RORA: variants seen among roughly 807,000 people sequenced by gnomAD.
RORA encodes RAR related orphan receptor A.
RORA carries 7 observed loss-of-function variants against 69.5 expected under a neutral mutation model. The ratio of observed to expected loss-of-function variants is 0.10; its 90% CI spans 0.06 to 0.19. The LOEUF is 0.19. RORA is among the 10% of genes least tolerant of loss of function. The pLI is 1.00. For missense variants in RORA, 457 were observed against 663.0 expected (o/e 0.69, Z 3.41); for synonymous variants, 261 against 240.8 (o/e 1.08, Z -0.78).
chr15:60,539,479 C>A (rs1156462174), intron 2 of RORA, among the ~76,000 whole-genome samples: 1 of 152,124 alleles, frequency 6.6e-6, no homozygotes, highest in Non-Finnish European at 1.5e-5. Context: ...CAGTGGGTGG[C>A]TTTTTTAGAT....
chr15:60,672,313 A>G (rs2070485988), intron 2 of RORA, among the ~76,000 whole-genome samples: 1 of 152,110 alleles, frequency 6.6e-6, no homozygotes, highest in Non-Finnish European at 1.5e-5. Flanking sequence ...GAGTGGAAGA[A>G]CCACTCTGAA....
intron 1 of RORA, among the ~76,000 whole-genome samples, chr15:61,199,151 C>T (rs1046858082): frequency 3.3e-5 from 5 of 152,062 alleles, no homozygotes; most frequent in African/African-American, 1.2e-4. Context: ...TTTAATTTAA[C>T]CCTAAATTAA....
At chr15:60,792,369 G>C (rs969202110) in intron 1 of RORA, among the ~76,000 whole-genome samples, 2 of 152,174 alleles carry the variant, frequency 1.3e-5, no homozygotes, top group Non-Finnish European at 2.9e-5. Flanking sequence ...ACAGTAGAGA[G>C]AGAATGAAGC....
At chr15:60,937,492 G>A (rs1196812450) in intron 1 of RORA, among the ~76,000 whole-genome samples, 2 of 152,154 alleles carry the variant, frequency 1.3e-5, no homozygotes, top group East Asian at 3.9e-4. Flanking sequence ...CAGATTTCCT[G>A]AAACTGGGTG....
At chr15:60,787,949 G>A (rs570408590) in intron 1 of RORA, among the ~76,000 whole-genome samples, 1 of 152,354 alleles carries the variant, frequency 6.6e-6, no homozygotes, top group East Asian at 1.9e-4. Context: ...ACTGCAGTGG[G>A]TGAAACAGCC....
chr15:61,082,467 T>C (rs921148718), intron 1 of RORA, among the ~76,000 whole-genome samples: 17 of 152,172 alleles, frequency 1.1e-4, no homozygotes, highest in Non-Finnish European at 1.9e-4. Context: ...CTAGCCTGGG[T>C]GACAAGAGCA....
chr15:61,090,063 A>T (rs992329679), intron 1 of RORA, among the ~76,000 whole-genome samples: 1 of 152,224 alleles, frequency 6.6e-6, no homozygotes, highest in African/African-American at 2.4e-5. Flanking sequence ...TGCCCAGAAG[A>T]CTTTTCCTTC....
Position 60,944,030 on chromosome 15 carries a change from C to T in RORA, c.167-265344G>A, listed in dbSNP as rs117826601. ...AACTAAACAAACCATAAAATGGAGG[C>T]CTTTTGCCATAGTCAGTCAGTCGTC... On this transcript the variant is annotated intron_variant, in intron 1 of 10. Transcript: ENST00000335670. Among the ~76,000 whole-genome samples, 77 of 151,402 alleles carry T rather than the reference C, an allele frequency of 5.1e-4. 1 individual carries two copies. In the East Asian group the frequency reaches 0.014, roughly 27 times the overall value.
intron 1 of RORA, among the ~76,000 whole-genome samples, chr15:60,993,222 C>T (rs1894434911): frequency 6.6e-6 from 1 of 152,174 alleles, no homozygotes; most frequent in African/African-American, 2.4e-5. Context: ...TGTGTCATGT[C>T]CCAAGTATTC....
At chr15:60,786,318 A>T (rs1334080639) in intron 1 of RORA, among the ~76,000 whole-genome samples, 2 of 152,258 alleles carry the variant, frequency 1.3e-5, no homozygotes, top group African/African-American at 4.8e-5. Flanking sequence ...GGGATAAAAC[A>T]AGATAACAGA....
At chr15:60,528,677 C>G (rs1053531781) in intron 3 of RORA, 1 of 152,162 alleles carries the variant, frequency 6.6e-6, no homozygotes, top group South Asian at 2.1e-4. Flanking sequence ...CATTACCAAG[C>G]CACCAAGAAG....
intron 1 of RORA, among the ~76,000 whole-genome samples, chr15:60,741,108 A>G (rs2071570225): frequency 6.6e-6 from 1 of 152,168 alleles, no homozygotes; most frequent in African/African-American, 2.4e-5. Flanking sequence ...TTATCCCCAA[A>G]TCCTCTCCAA....
intron 1 of RORA, among the ~76,000 whole-genome samples, chr15:61,060,340 A>C (rs898717329): frequency 6.6e-6 from 1 of 151,886 alleles, no homozygotes; most frequent in Non-Finnish European, 1.5e-5. Flanking sequence ...CCTTCCTTCC[A>C]CTACTCATTC....
intron 1 of RORA, among the ~76,000 whole-genome samples, chr15:60,789,193 C>A (rs2072381750): frequency 6.6e-6 from 1 of 152,202 alleles, no homozygotes; most frequent in South Asian, 2.1e-4. Context: ...GAGGAGCCAG[C>A]TGAGGCCAGG....
chr15:60,635,395 T>G (rs2069817230), intron 2 of RORA, among the ~76,000 whole-genome samples: 1 of 152,116 alleles, frequency 6.6e-6, no homozygotes, highest in South Asian at 2.1e-4. Flanking sequence ...GCAAAGATAA[T>G]TTGATTTTAA....
intron 1 of RORA, among the ~76,000 whole-genome samples, chr15:61,101,837 G>C (rs1353562457): frequency 6.6e-6 from 1 of 152,060 alleles, no homozygotes; most frequent in Non-Finnish European, 1.5e-5. Flanking sequence ...ACCTGGACCG[G>C]GTGGGGACAG....
chr15:60,681,786 A>T (rs1312441665), intron 1 of RORA: 1 of 152,190 alleles, frequency 6.6e-6, no homozygotes, highest in Non-Finnish European at 1.5e-5. Flanking sequence ...AGCTCATAGC[A>T]GTCATACATT....
chr15:60,535,459 A>C (rs1290355280), intron 2 of RORA, among the ~76,000 whole-genome samples: 3 of 152,260 alleles, frequency 2.0e-5, no homozygotes, highest in Non-Finnish European at 4.4e-5. Context: ...AGGAGCTGAC[A>C]ACAAGTGGCA....
intron 2 of RORA, among the ~76,000 whole-genome samples, chr15:60,601,914 T>G (rs956631750): frequency 2.0e-5 from 3 of 152,170 alleles, no homozygotes; most frequent in African/African-American, 7.2e-5. Context: ...AGTAAAATAA[T>G]TTTCAAAATA....
Sources: allele counts gnomAD v4.1 joint callset (sites outside exome capture counted in the v4.1 genomes callset), GRCh38; gene constraint gnomAD v4.1.1; transcripts MANE v1.5; gene names NCBI Gene and HGNC (gene_info 2026-07-23, HGNC 2026-07-21).